SAFB: variants seen among roughly 807,000 people sequenced by gnomAD.
The protein encoded by SAFB is scaffold attachment factor B1.
In SAFB, 15 loss-of-function variants were observed where a neutral mutation model predicts 101.6. The ratio of observed to expected loss-of-function variants is 0.15; its 90% CI spans 0.10 to 0.23. The LOEUF (loss-of-function observed/expected upper bound fraction) is 0.23, where lower values mean the gene tolerates loss of function less well. Ranked by LOEUF, SAFB falls within the 10% of genes least tolerant of loss-of-function variation. The pLI is 1.00. For synonymous variants in SAFB, 449 were observed against 407.5 expected (o/e 1.10, Z -1.23); for missense variants, 930 against 1,104.1 (o/e 0.84, Z 2.23).
chr19:5,629,728 G>T (rs1050873845), intron 2 of SAFB, among the ~76,000 whole-genome samples: 1 of 152,230 alleles, frequency 6.6e-6, no homozygotes, highest in Non-Finnish European at 1.5e-5. Context: ...TAGACTCCAA[G>T]GATATGGCCC....
Position 5,628,145 on chromosome 19 carries a change from G to T in SAFB, c.274+1656G>T, listed in dbSNP as rs192096656. On this transcript the variant is annotated intron_variant, in intron 2 of 20. Transcript: ENST00000588852. ...GGGCTCCTGTAATCCCAGCTACTCA[G>T]GAGGCTGAGGCAGGAGAATTGCCTG... Among the ~76,000 whole-genome samples, 139 of 152,234 alleles carry T rather than the reference G, an allele frequency of 9.1e-4. 1 individual carries two copies. Among genetic ancestry groups the T allele is most frequent in the Middle Eastern group, 3.4e-3 (1 of 294 alleles).
At chr19:5,653,522 A>G in intron 11 of SAFB, 102 bp downstream of exon 11, 2 of 1,002,802 alleles carry the variant, frequency 2.0e-6, no homozygotes, top group Non-Finnish European at 3.0e-6. Context: ...ACTGGAGTGC[A>G]GTGGTGTGAT....
chr19:5,640,842 C>T (rs1215761610), intron 2 of SAFB, among the ~76,000 whole-genome samples: 4 of 152,104 alleles, frequency 2.6e-5, no homozygotes, highest in East Asian at 3.9e-4. Flanking sequence ...CCACCTGTCT[C>T]GGCCTCCTAA....
At position 5,633,531 on chromosome 19, in the gene SAFB, G is replaced by C. The variant is rs2053532591; in HGVS notation, c.274+7042G>C. Among the ~76,000 whole-genome samples, 3 of 152,182 alleles carry C rather than the reference G, an allele frequency of 2.0e-5. No individual in the cohort carries two copies. In the South Asian group the frequency reaches 6.2e-4, roughly 32 times the overall value. Reference sequence around the variant, plus strand: ...GCGGTGGCTCACGCCTGTAATCCCAGCACTTTGGGAGGCCGAGGCAGGCGG... The same window carrying C: ...GCGGTGGCTCACGCCTGTAATCCCACCACTTTGGGAGGCCGAGGCAGGCGG... On this transcript the variant is annotated intron_variant, in intron 2 of 20. Coordinates refer to ENST00000588852, the MANE Select transcript of SAFB (RefSeq NM_001201338.2).
intron 17 of SAFB, 26 bp downstream of exon 17, chr19:5,664,465 C>T: frequency 6.3e-7 from 1 of 1,589,104 alleles, no homozygotes; most frequent in Non-Finnish European, 8.6e-7. Flanking sequence ...CAGTGGTAGC[C>T]ACAGAATTTC....
intron 2 of SAFB, among the ~76,000 whole-genome samples, chr19:5,632,673 G>T (rs971086671): frequency 6.6e-6 from 1 of 152,036 alleles, no homozygotes; most frequent in Non-Finnish European, 1.5e-5. Context: ...GGTTCTCCCC[G>T]CCCCATAATA....
rs750613942 is a variant in SAFB, at chr19:5,641,924, C to T, written c.524C>T (p.Pro175Leu). 2 of 1,613,914 alleles carry T rather than the reference C, an allele frequency of 1.2e-6. No individual in the cohort carries two copies. Among genetic ancestry groups the T allele is most frequent in the South Asian group, 1.1e-5 (1 of 91,052 alleles). Residue 175 changes from proline to leucine, a missense_variant, in exon 4 of 21, where the codon CCG (proline) becomes CTG (leucine). By Grantham distance (98) the Pro-to-Leu change is moderately conservative. Around this residue, in one of 7 missense-constraint regions of SAFB, gnomAD observed 130 missense variants for 114.2 expected, o/e 1.14. Coordinates refer to ENST00000588852, the MANE Select transcript of SAFB (RefSeq NM_001201338.2). ...ELVEGEMKEL[P>L]EQLQEHAIED... ...GTCGAGGGGGAAATGAAAGAGCTTC[C>T]GGAGCAGCTTCAGGAACATGCTGTA...
intron 12 of SAFB, 55 bp from the exon 13 acceptor site, chr19:5,654,313 T>G (rs1271797017): frequency 6.3e-7 from 1 of 1,591,552 alleles, no homozygotes; most frequent in African/African-American, 1.3e-5. Flanking sequence ...CAGAGGGTTT[T>G]TCTCATCTGG....
intron 2 of SAFB, among the ~76,000 whole-genome samples, chr19:5,630,946 C>CT (rs1387824100): frequency 6.6e-6 from 1 of 151,824 alleles, no homozygotes; most frequent in Non-Finnish European, 1.5e-5. Flanking sequence ...AATCCCAGCA[C>CT]TTTGGGAGGC....
At chr19:5,647,404 C>T (rs559431913) in intron 5 of SAFB, among the ~76,000 whole-genome samples, 1 of 152,258 alleles carries the variant, frequency 6.6e-6, no homozygotes, top group East Asian at 1.9e-4. Context: ...GATAATACAA[C>T]CAGATGCCAC....
chr19:5,648,402 A>G, intron 6 of SAFB: 1 of 299,732 alleles, frequency 3.3e-6, no homozygotes, highest in Non-Finnish European at 6.2e-6. Flanking sequence ...GCAGTAGCTT[A>G]ATTTTGTTGT....
In SAFB at chr19:5,641,662, T is replaced by C. The variant is rs187003733; in HGVS notation, c.339+4T>C. On this transcript the variant is annotated splice_donor_region_variant and intron_variant, in intron 3 of 20. Coordinates refer to ENST00000588852, the MANE Select transcript of SAFB (RefSeq NM_001201338.2). ...GGAAAACTCTGGGGATGGACAGGTA[T>C]GTGCAGCCTTGCGAGTGAGTAGCGT... 2.3e-4 allele frequency: 371 copies of C among 1,613,912 alleles called. No individual in the cohort carries two copies. Among genetic ancestry groups the C allele is most frequent in the Non-Finnish European group, 2.9e-4 (347 of 1,179,934 alleles).
At chr19:5,631,290 G>A (rs1426796105) in intron 2 of SAFB, among the ~76,000 whole-genome samples, 1 of 152,172 alleles carries the variant, frequency 6.6e-6, no homozygotes, top group African/African-American at 2.4e-5. Flanking sequence ...TCGCTGTTGT[G>A]ATTACTTCAC....
intron 2 of SAFB, among the ~76,000 whole-genome samples, chr19:5,628,068 T>C (rs955995516): frequency 6.6e-6 from 1 of 152,132 alleles, no homozygotes; most frequent in Middle Eastern, 3.4e-3. Flanking sequence ...CTGGCCAACA[T>C]GATGAAACCC....
In SAFB at chr19:5,657,259, C is replaced by G; in HGVS notation, c.1774C>G (p.Arg592Gly). The change falls in exon 14 of 21, where the codon CGC becomes GGC. Residue 592 changes from arginine (R) to glycine (G), a missense_variant. This residue lies in a region of SAFB where 159 missense variants were observed against 234.1 expected (regional missense o/e 0.68). Transcript: ENST00000588852. Reference sequence around the variant, plus strand: ...GAACTAGGCTTCCAAAAGCCAGGATCGCAAATCAGCCAGCAGAGAGAAGCG... The same window carrying G: ...GAACTAGGCTTCCAAAAGCCAGGATGGCAAATCAGCCAGCAGAGAGAAGCG... ...SKERASKSQD[R>G]KSASREKRSV... 1 of 1,613,808 alleles carries G rather than the reference C, an allele frequency of 6.2e-7. No homozygotes were observed. Among genetic ancestry groups the G allele is most frequent in the Non-Finnish European group, 8.5e-7 (1 of 1,179,852 alleles).
Position 5,661,455 on chromosome 19 carries a change from A to G in SAFB, c.1863-63A>G, listed in dbSNP as rs573524595. 2.4e-4 allele frequency: 378 copies of G among 1,589,738 alleles called. 1 individual carries two copies. The African/African-American group carries it at 4.5e-3, about 19-fold the overall frequency. On this transcript the variant is annotated intron_variant, in intron 14 of 20. Coordinates refer to ENST00000588852, the MANE Select transcript of SAFB (RefSeq NM_001201338.2). Reference sequence around the variant, plus strand: ...CTGTGCGACCCAGCGTCTTACTTAAAGTCAGCCCTGGGACCTGGCTGGGGG... The same window carrying G: ...CTGTGCGACCCAGCGTCTTACTTAAGGTCAGCCCTGGGACCTGGCTGGGGG...
At chr19:5,662,051 A>T (rs979468647) in intron 15 of SAFB, among the ~76,000 whole-genome samples, 12 of 151,930 alleles carry the variant, frequency 7.9e-5, no homozygotes, top group Admixed American at 2.0e-4. Flanking sequence ...CTCCCGGCTA[A>T]TTTTTTTGTA....
chr19:5,661,332 T>C (rs1307340706), intron 14 of SAFB, among the ~76,000 whole-genome samples, 186 bp from the exon 15 acceptor site: 5 of 141,428 alleles, frequency 3.5e-5, no homozygotes, highest in African/African-American at 1.6e-4. Context: ...GCCTCACTCC[T>C]GAGATCTTCC....
At chr19:5,665,480 G>A (rs898877402) in intron 17 of SAFB, 11 of 151,868 alleles carry the variant, frequency 7.2e-5, no homozygotes, top group African/African-American at 2.4e-4. Flanking sequence ...CTGTACAAAC[G>A]TGTTTATCAT....
Sources: gnomAD v4.1 joint callset for allele counts (sites outside exome capture counted in the v4.1 genomes callset) on GRCh38, gnomAD v4.1.1 for gene constraint, gnomAD v4.1.1 regional missense constraint, MANE v1.5 for transcripts, NCBI Gene and HGNC (gene_info 2026-07-23, HGNC 2026-07-21) for gene names.